PLA2G4A: variants seen among roughly 807,000 people sequenced by gnomAD.
PLA2G4A encodes the protein phospholipase A2 group IVA.
Under a neutral mutation model 81.9 loss-of-function variants are expected in PLA2G4A, and 40 were observed. The observed-to-expected ratio is 0.49, with a 90% CI of 0.38 to 0.64. The LOEUF is 0.64. Ranked by LOEUF, PLA2G4A falls within the 30% of genes least tolerant of loss-of-function variation. The pLI, the probability that PLA2G4A is intolerant of heterozygous loss-of-function variation, is 0.00. For synonymous variants in PLA2G4A, 302 were observed against 296.9 expected, an observed-to-expected ratio of 1.02 and a Z score of -0.18; for missense variants, 715 against 905.1, an observed-to-expected ratio of 0.79 and a Z score of 2.69.
chr1:186,988,361 C>G lies in PLA2G4A; in HGVS notation c.2119-16C>G. On this transcript the variant is annotated splice_polypyrimidine_tract_variant and intron_variant, in intron 17 of 17. Transcript: ENST00000367466. Reference sequence around the variant, plus strand: ...CATAGCAGCGCTAATTATACAACTTCTGTCTCTATTTGCAGGTGATAAAAG... The same window carrying G: ...CATAGCAGCGCTAATTATACAACTTGTGTCTCTATTTGCAGGTGATAAAAG... 1 of 1,603,074 alleles carries G rather than the reference C, an allele frequency of 6.2e-7. No homozygotes were observed. The highest frequency in any genetic ancestry group is 1.1e-5 in the South Asian group (1 of 90,716).
chr1:186,982,112 G>A (rs1168776828), intron 17 of PLA2G4A, among the ~76,000 whole-genome samples: 1 of 152,136 alleles, frequency 6.6e-6, no homozygotes, highest in Non-Finnish European at 1.5e-5. Flanking sequence ...TACAACACAG[G>A]GGAGTATCTT....
chr1:186,829,359 G>C (rs1651468815), intron 1 of PLA2G4A, among the ~76,000 whole-genome samples: 1 of 152,292 alleles, frequency 6.6e-6, no homozygotes, highest in South Asian at 2.1e-4. Flanking sequence ...AGCGTTCCAC[G>C]TGATGACACC....
intron 8 of PLA2G4A, 150 bp from the exon 9 acceptor site, chr1:186,938,858 C>A (rs1049542339): frequency 4.6e-6 from 3 of 654,050 alleles, no homozygotes; most frequent in South Asian, 1.7e-5. Flanking sequence ...TTGACACATT[C>A]TTTTCTTAAA....
intron 1 of PLA2G4A, among the ~76,000 whole-genome samples, chr1:186,831,007 T>TTTCTTTCC (rs1651563122): frequency 6.9e-6 from 1 of 145,160 alleles, no homozygotes; most frequent in African/African-American, 2.6e-5. Flanking sequence ...TCTTTCTTTC[T>TTTCTTTCC]TTCTTTCTTT....
At chr1:186,951,885 C>T (rs1268933131) in intron 13 of PLA2G4A, among the ~76,000 whole-genome samples, 9 of 152,066 alleles carry the variant, frequency 5.9e-5, no homozygotes, top group Admixed American at 5.9e-4. Flanking sequence ...TTGGGTTCAG[C>T]CCTGATTTGC....
rs558028338 is a variant in PLA2G4A, at chr1:186,883,171, G to A, written c.116-9840G>A. 1.1e-3 allele frequency among the ~76,000 whole-genome samples: 171 copies of A among 152,086 alleles called. 1 individual carries two copies. Among genetic ancestry groups the A allele is most frequent in the Non-Finnish European group, 1.7e-3 (116 of 67,974 alleles). ...GGTAGGGCTCACAGATGTAGATTAGGGAGACACTGACATTTATGTGCAAGG... is the reference window on the plus strand; with the variant it reads ...GGTAGGGCTCACAGATGTAGATTAGAGAGACACTGACATTTATGTGCAAGG... On this transcript the variant is annotated intron_variant, in intron 3 of 17. Transcript: ENST00000367466.
intron 5 of PLA2G4A, among the ~76,000 whole-genome samples, chr1:186,902,296 G>T (rs1654569711): frequency 6.6e-6 from 1 of 151,966 alleles, no homozygotes; most frequent in African/African-American, 2.4e-5. Flanking sequence ...ACTGTATATT[G>T]AAAAATGACT....
At chr1:186,882,537 CTT>C (rs1255141888) in intron 3 of PLA2G4A, among the ~76,000 whole-genome samples, 1 of 151,508 alleles carries the variant, frequency 6.6e-6, no homozygotes, top group Non-Finnish European at 1.5e-5. Flanking sequence ...AAAGATGCCT[CTT>C]TGCCGTAGAG....
intron 17 of PLA2G4A, among the ~76,000 whole-genome samples, chr1:186,981,541 G>T (rs1165402743): frequency 6.6e-6 from 1 of 152,006 alleles, no homozygotes; most frequent in Non-Finnish European, 1.5e-5. Flanking sequence ...TTAAAAATAT[G>T]TTTTCACTTT....
At chr1:186,876,083 C>A (rs1653485589) in intron 3 of PLA2G4A, among the ~76,000 whole-genome samples, 1 of 152,090 alleles carries the variant, frequency 6.6e-6, no homozygotes, top group South Asian at 2.1e-4. Flanking sequence ...ACCCACTGTG[C>A]CTTCACCTCT....
At chr1:186,963,801 T>G (rs1312745508) in intron 14 of PLA2G4A, among the ~76,000 whole-genome samples, 1 of 152,232 alleles carries the variant, frequency 6.6e-6, no homozygotes, top group African/African-American at 2.4e-5. Flanking sequence ...TTAATGTTTC[T>G]TTAAAGTATT....
At chr1:186,957,133 C>T (rs1240746870) in intron 14 of PLA2G4A, among the ~76,000 whole-genome samples, 1 of 151,690 alleles carries the variant, frequency 6.6e-6, no homozygotes, top group African/African-American at 2.4e-5. Flanking sequence ...GCCTGGGCAA[C>T]AAAGTGAAGC....
chr1:186,911,805 G>A (rs1451931923), intron 7 of PLA2G4A, among the ~76,000 whole-genome samples: 1 of 152,052 alleles, frequency 6.6e-6, no homozygotes, highest in African/African-American at 2.4e-5. Flanking sequence ...GATTATGGAG[G>A]CCAAGCAGTC....
intron 3 of PLA2G4A, among the ~76,000 whole-genome samples, chr1:186,892,744 C>A (rs1292964235): frequency 6.6e-6 from 1 of 152,220 alleles, no homozygotes; most frequent in Admixed American, 6.5e-5. Context: ...TGCTTTGAAC[C>A]TGTCCTCTCT....
chr1:186,900,793 A>C (rs575542581), intron 5 of PLA2G4A, among the ~76,000 whole-genome samples: 1 of 152,314 alleles, frequency 6.6e-6, no homozygotes, highest in South Asian at 2.1e-4. Flanking sequence ...CAATACTTTG[A>C]GGAAAGTTGT....
chr1:186,908,868 A>G (rs1654831436), intron 6 of PLA2G4A, among the ~76,000 whole-genome samples: 1 of 151,854 alleles, frequency 6.6e-6, no homozygotes, highest in Non-Finnish European at 1.5e-5. Context: ...TGAAGATTAA[A>G]TTTAAGTAGT....
intron 3 of PLA2G4A, among the ~76,000 whole-genome samples, chr1:186,889,604 A>G (rs1475271535): frequency 6.6e-6 from 1 of 152,230 alleles, no homozygotes; most frequent in African/African-American, 2.4e-5. Flanking sequence ...AACTAGGAGC[A>G]ATACTGAACA....
At chr1:186,863,651 C>T (rs1238793414) in intron 2 of PLA2G4A, among the ~76,000 whole-genome samples, 2 of 152,292 alleles carry the variant, frequency 1.3e-5, no homozygotes, top group East Asian at 3.9e-4. Flanking sequence ...CTCCTATCTT[C>T]CCTAGCCTCT....
intron 15 of PLA2G4A, 46 bp downstream of exon 15, chr1:186,965,639 G>T: frequency 7.4e-7 from 1 of 1,353,538 alleles, no homozygotes; most frequent in Non-Finnish European, 1.1e-6. Flanking sequence ...ACATTCTCTT[G>T]CTTGCCTTAT....
Sources: allele counts gnomAD v4.1 joint callset (sites outside exome capture counted in the v4.1 genomes callset), GRCh38; gene constraint gnomAD v4.1.1; transcripts MANE v1.5; gene names NCBI Gene and HGNC (gene_info 2026-07-23, HGNC 2026-07-21).